Variants in GCNT1 observed in about 807,000 individuals in gnomAD.
The protein encoded by GCNT1 is glucosaminyl (N-acetyl) transferase 1, also known as beta-1,3-galactosyl-O-glycosyl-glycoprotein beta-1,6-N-acetylglucosaminyltransferase.
GCNT1 carries 16 observed loss-of-function variants against 26.2 expected under a neutral mutation model. The observed-to-expected ratio is 0.61, with a 90% CI of 0.41 to 0.93. The LOEUF is 0.93. Among genes scored for constraint, GCNT1 ranks in the 40% least tolerant of loss-of-function variants. GCNT1 has a pLI of 0.00. For synonymous variants in GCNT1, 183 were observed against 190.8 expected, an observed-to-expected ratio of 0.96 and a Z score of 0.34; for missense variants, 477 against 526.7, an observed-to-expected ratio of 0.91 and a Z score of 0.92.
chr9:76,458,607 T>C (rs1184689928), upstream of GCNT1, among the ~76,000 whole-genome samples: 1 of 152,220 alleles, frequency 6.6e-6, no homozygotes, highest in Non-Finnish European at 1.5e-5. Context: ...TGTCAACTTT[T>C]ATAACTGACA....
At chr9:76,428,760 G>A (rs1587406221) in intron 1 of GCNT1, among the ~76,000 whole-genome samples, 1 of 148,250 alleles carries the variant, frequency 6.7e-6, no homozygotes, top group Admixed American at 6.8e-5. Flanking sequence ...GAGTGCAATG[G>A]CATGATCTCA....
intron 2 of GCNT1, among the ~76,000 whole-genome samples, chr9:76,491,076 T>C (rs1215599026): frequency 6.6e-6 from 1 of 152,232 alleles, no homozygotes; most frequent in Non-Finnish European, 1.5e-5. Context: ...TTACACTTTT[T>C]TCTTTACTAC....
At chr9:76,479,192 CT>C (rs1824345364) in intron 2 of GCNT1, among the ~76,000 whole-genome samples, 1 of 152,150 alleles carries the variant, frequency 6.6e-6, no homozygotes, top group Non-Finnish European at 1.5e-5. Context: ...TGAACTCATC[CT>C]TTTTTATGGC....
At chr9:76,426,844 G>A (rs1823264010) in intron 1 of GCNT1, among the ~76,000 whole-genome samples, 1 of 152,078 alleles carries the variant, frequency 6.6e-6, no homozygotes, top group African/African-American at 2.4e-5. Flanking sequence ...CTGGGAGGCG[G>A]AGGTTGCAGT....
At chr9:76,413,502 T>G in the GCNT1 span, among the ~76,000 whole-genome samples, 35 of 152,326 alleles carry the variant, frequency 2.3e-4, no homozygotes, top group African/African-American at 8.2e-4. Context: ...TTCTTGCTTG[T>G]GTGGTTTCTG....
At chr9:76,475,167 T>C (rs961155102) in intron 2 of GCNT1, among the ~76,000 whole-genome samples, 9 of 152,224 alleles carry the variant, frequency 5.9e-5, no homozygotes, top group African/African-American at 2.2e-4. Flanking sequence ...AATTACTTCA[T>C]TCTTGGCTTT....
At chr9:76,456,859 A>C (rs564896879), upstream of GCNT1, among the ~76,000 whole-genome samples, 7 of 152,310 alleles carry the variant, frequency 4.6e-5, no homozygotes, top group South Asian at 1.0e-3. Flanking sequence ...CTGTAGTCCC[A>C]GCTACTTGGG....
the GCNT1 span, among the ~76,000 whole-genome samples, chr9:76,412,810 A>C: frequency 6.6e-6 from 1 of 151,998 alleles, no homozygotes; most frequent in Non-Finnish European, 1.5e-5. Flanking sequence ...AACCTACTTG[A>C]CTCACCTTGC....
At chr9:76,431,642 T>C (rs1456116680) in intron 1 of GCNT1, among the ~76,000 whole-genome samples, 3 of 152,174 alleles carry the variant, frequency 2.0e-5, no homozygotes, top group Non-Finnish European at 4.4e-5. Flanking sequence ...GTCCACTTGA[T>C]TGAACTCAAT....
At chr9:76,414,993 T>A (rs1823120343), upstream of GCNT1, among the ~76,000 whole-genome samples, 1 of 152,184 alleles carries the variant, frequency 6.6e-6, no homozygotes, top group South Asian at 2.1e-4. Flanking sequence ...TGCTCTCCTT[T>A]AAATGCCTCT....
chr9:76,490,954 G>A (rs866621024), intron 2 of GCNT1, among the ~76,000 whole-genome samples: 1 of 152,266 alleles, frequency 6.6e-6, no homozygotes, highest in African/African-American at 2.4e-5. Flanking sequence ...TTTGGGCTAC[G>A]CCCTTGTTTA....
In GCNT1 at chr9:76,503,097, A is replaced by T; in HGVS notation, c.716A>T (p.Glu239Val). 6.2e-7 allele frequency: 1 copy of T among 1,614,180 alleles called. No homozygotes were observed. The highest frequency in any genetic ancestry group is 8.5e-7 in the Non-Finnish European group (1 of 1,180,032). ...IVRKLKLLMG[E>V]NNLETERMPS... ...AGGAAGCTCAAGTTGTTAATGGGAG[A>T]AAACAACCTGGAAACGGAGAGGATG... The change falls in exon 4 of 4, where the codon GAA (glutamate) becomes GTA (valine). Residue 239 changes from glutamate to valine, a missense_variant. By Grantham distance (121) the Glu-to-Val change is moderately radical. Coordinates refer to ENST00000376730, the MANE Select transcript of GCNT1 (RefSeq NM_001490.5).
chr9:76,411,543 G>A, the GCNT1 span, among the ~76,000 whole-genome samples: 1 of 151,522 alleles, frequency 6.6e-6, no homozygotes, highest in Non-Finnish European at 1.5e-5. Context: ...TGCCCAGGCT[G>A]GTCTTGAAAT....
chr9:76,459,893 C>G (rs1249205717), intron 1 of GCNT1, among the ~76,000 whole-genome samples, 167 bp from the exon 2 acceptor site: 1 of 152,168 alleles, frequency 6.6e-6, no homozygotes, highest in Non-Finnish European at 1.5e-5. Flanking sequence ...AACTCGCGCG[C>G]AGGGTCTATT....
At chr9:76,484,333 G>A (rs1824507452) in intron 2 of GCNT1, among the ~76,000 whole-genome samples, 2 of 150,274 alleles carry the variant, frequency 1.3e-5, no homozygotes, top group African/African-American at 4.9e-5. Flanking sequence ...TAATGACATT[G>A]TACTACAGAC....
chr9:76,504,251 T>C lies in GCNT1; in HGVS notation c.*583T>C, dbSNP rs1367889138. The C allele has an allele frequency of 1.2e-5, 2 of 168,354 alleles. No homozygotes were observed. The highest frequency in any genetic ancestry group is 1.3e-4 in the Admixed American group (2 of 15,350). 10.4% of individuals were successfully genotyped at this position (168,354 alleles called of 1,614,324 possible). ...CTCAGGGAGCTTAAAATGGGCTTGA[T>C]TTAACATTGTTTTTGTGTTATTTTT... On this transcript the variant is annotated 3_prime_UTR_variant, in exon 4 of 4. Coordinates refer to ENST00000376730, the MANE Select transcript of GCNT1 (RefSeq NM_001490.5).
chr9:76,413,995 C>T, the GCNT1 span, among the ~76,000 whole-genome samples: 2 of 152,128 alleles, frequency 1.3e-5, no homozygotes, highest in African/African-American at 2.4e-5. Context: ...TACTAATAAG[C>T]CCATCAAAGG....
At chr9:76,469,854 C>T (rs921415303) in intron 2 of GCNT1, among the ~76,000 whole-genome samples, 2 of 152,138 alleles carry the variant, frequency 1.3e-5, no homozygotes, top group East Asian at 3.9e-4. Context: ...ATAACACTCA[C>T]CGCATGGCCC....
chr9:76,463,267 C>T (rs556510871), intron 2 of GCNT1, among the ~76,000 whole-genome samples: 1 of 149,470 alleles, frequency 6.7e-6, no homozygotes, highest in Non-Finnish European at 1.5e-5. Flanking sequence ...ATTTGTGGGG[C>T]CCCTTGTTAA....
Sources: gnomAD v4.1 joint callset for allele counts (sites outside exome capture counted in the v4.1 genomes callset) on GRCh38, gnomAD v4.1.1 for gene constraint, MANE v1.5 for transcripts, NCBI Gene and HGNC (gene_info 2026-07-23, HGNC 2026-07-21) for gene names.